The following P2RY8 variants were observed in gnomAD, a reference collection of about 807,000 sequenced individuals.
P2RY8 encodes the protein P2Y receptor family member 8.
In P2RY8, 6 loss-of-function variants were observed where a neutral mutation model predicts 10.0. The observed-to-expected ratio is 0.60, with a 90% CI of 0.33 to 1.19. The LOEUF (loss-of-function observed/expected upper bound fraction) is 1.19, where lower values mean the gene tolerates loss of function less well. P2RY8 is among the 50% of genes most tolerant of loss of function. The pLI is 0.04. For missense variants in P2RY8, 456 were observed against 542.0 expected (o/e 0.84, Z 1.58); for synonymous variants, 276 against 252.5 (o/e 1.09, Z -0.88).
chrX:1,492,695 A>T (rs1372192069), intron 1 of P2RY8, among the ~76,000 whole-genome samples: 1 of 152,108 alleles, frequency 6.6e-6, no homozygotes, highest in African/African-American at 2.4e-5. Flanking sequence ...GCCATAGAAG[A>T]CAGTTATGCC....
At chrX:1,528,443 G>A (rs1375284928) in intron 1 of P2RY8, among the ~76,000 whole-genome samples, 2 of 152,244 alleles carry the variant, frequency 1.3e-5, no homozygotes, top group African/African-American at 2.4e-5. Context: ...AGCAGCAGGC[G>A]CTGCCAGTCA....
At chrX:1,490,193 C>G (rs867385546) in intron 1 of P2RY8, among the ~76,000 whole-genome samples, 1 of 130,756 alleles carries the variant, frequency 7.6e-6, no homozygotes, top group Non-Finnish European at 1.7e-5. Context: ...AATGATACCC[C>G]AGATTCACTT....
intron 1 of P2RY8, among the ~76,000 whole-genome samples, chrX:1,520,664 C>T (rs1265519717): frequency 6.6e-6 from 1 of 151,472 alleles, no homozygotes; most frequent in Non-Finnish European, 1.5e-5. Flanking sequence ...TCTCTCTGAT[C>T]CTCAGTCATC....
chrX:1,516,145 G>A lies in P2RY8; in HGVS notation c.-25+20776C>T, dbSNP rs187000363. On this transcript the variant is annotated intron_variant, in intron 1 of 1. Coordinates refer to ENST00000381297, the MANE Select transcript of P2RY8 (RefSeq NM_178129.5). Reference sequence around the variant, plus strand: ...CTGGGAGGCGGAGGTTGCAGTGAGCGGAGGTTGCACCACTGCACTCCAGCC... The same window carrying A: ...CTGGGAGGCGGAGGTTGCAGTGAGCAGAGGTTGCACCACTGCACTCCAGCC... Among the ~76,000 whole-genome samples, 1,406 of 151,400 alleles carry A rather than the reference G, an allele frequency of 9.3e-3. 20 individuals are homozygous for A. The highest frequency in any genetic ancestry group is 0.032 in the African/African-American group (1,325 of 41,296).
chrX:1,490,747 G>T (rs1431528835), intron 1 of P2RY8, among the ~76,000 whole-genome samples: 7 of 149,166 alleles, frequency 4.7e-5, no homozygotes, highest in Non-Finnish European at 1.0e-4. Flanking sequence ...TGGGGGGAAT[G>T]AATGAATGAT....
intron 1 of P2RY8, among the ~76,000 whole-genome samples, chrX:1,472,917 T>C (rs1405997794): frequency 9.5e-6 from 1 of 105,768 alleles, no homozygotes; most frequent in African/African-American, 3.7e-5. Flanking sequence ...TGGATGTGGA[T>C]GGGTAGATGG....
intron 1 of P2RY8, among the ~76,000 whole-genome samples, chrX:1,503,063 C>G (rs1327006968): frequency 6.6e-6 from 1 of 151,350 alleles, no homozygotes; most frequent in African/African-American, 2.4e-5. Context: ...TAGGCTGGGC[C>G]CTAAATCCAA....
rs1220430321 is a variant in P2RY8, at chrX:1,533,895, A to G, written c.-25+3026T>C. ...TTTATTATTTATATATTATATACTT[A>G]TATATGTATTATTTAAATATATTAT... On this transcript the variant is annotated intron_variant, in intron 1 of 1. Transcript: ENST00000381297. 6.6e-3 allele frequency among the ~76,000 whole-genome samples: 805 copies of G among 122,508 alleles called. 1 individual carries two copies. Among genetic ancestry groups the G allele is most frequent in the Non-Finnish European group, 9.3e-3 (596 of 64,308 alleles). 80.4% of individuals were successfully genotyped at this position (122,508 alleles called of 152,430 possible).
At chrX:1,480,900 C>G (rs1289626564) in intron 1 of P2RY8, among the ~76,000 whole-genome samples, 1 of 149,746 alleles carries the variant, frequency 6.7e-6, no homozygotes, top group African/African-American at 2.5e-5. Context: ...AAGATTCAAC[C>G]ACTGGAAAAA....
intron 1 of P2RY8, among the ~76,000 whole-genome samples, chrX:1,498,373 T>C (rs2092139470): frequency 8.3e-6 from 1 of 120,956 alleles, no homozygotes; most frequent in Non-Finnish European, 1.6e-5. Flanking sequence ...GCCACTGCAC[T>C]CCAGCCTGGG....
rs1470269632 is a variant in P2RY8 at position 1,465,425 on chromosome X, C to A, written c.*54G>T. ...CCTCTGGCACCGTGGCCTCTCCATG[C>A]GCCCCTGGATCTCCAAGCTGCGCCC... On this transcript the variant is annotated 3_prime_UTR_variant, in exon 2 of 2. Transcript: ENST00000381297. 7 of 1,541,768 alleles carry A rather than the reference C, an allele frequency of 4.5e-6. No homozygotes were observed. Among genetic ancestry groups the A allele is most frequent in the East Asian group, 2.3e-5 (1 of 44,418 alleles).
At chrX:1,508,032 G>A (rs574077037) in intron 1 of P2RY8, among the ~76,000 whole-genome samples, 5 of 152,082 alleles carry the variant, frequency 3.3e-5, no homozygotes, top group Non-Finnish European at 7.4e-5. Context: ...GCGTGTGCCT[G>A]ATGACCTCTC....
chrX:1,478,571 C>T (rs1386059631), intron 1 of P2RY8, among the ~76,000 whole-genome samples: 3 of 151,950 alleles, frequency 2.0e-5, no homozygotes, highest in African/African-American at 4.8e-5. Flanking sequence ...CTCCGCCTCC[C>T]GGGTTCAAGC....
chrX:1,530,277 CTATCTAT>C, intron 1 of P2RY8, among the ~76,000 whole-genome samples: 1 of 147,254 alleles, frequency 6.8e-6, no homozygotes, highest in Non-Finnish European at 1.5e-5. Flanking sequence ...CATTATCTAT[CTATCTAT>C]CTATCTATCT....
At position 1,464,522 on chromosome X, in the gene P2RY8, G is replaced by A. The variant is rs140638059; in HGVS notation, c.*957C>T. 4.4e-3 allele frequency: 1,027 copies of A among 233,436 alleles called. 5 individuals carry two copies. The highest frequency in any genetic ancestry group is 0.023 in the South Asian group (126 of 5,528). 14.5% of individuals were successfully genotyped at this position (233,436 alleles called of 1,614,324 possible). A position where few individuals can be genotyped will look rare whatever the true frequency, so the allele number is the denominator to read the frequency against. ...GGCTCTCCATGGGGTAAAAGGACGC[G>A]GAGAATGGGCAGGAGGTGGGGAACT... On this transcript the variant is annotated 3_prime_UTR_variant, in exon 2 of 2. Coordinates refer to ENST00000381297, the MANE Select transcript of P2RY8 (RefSeq NM_178129.5).
At chrX:1,524,784 C>T (rs866030052) in intron 1 of P2RY8, among the ~76,000 whole-genome samples, 29 of 50,902 alleles carry the variant, frequency 5.7e-4, no homozygotes, top group South Asian at 6.8e-4. Context: ...CATCCATCCA[C>T]TCATCCATTC....
At chrX:1,492,052 CTG>C (rs2092057813) in intron 1 of P2RY8, among the ~76,000 whole-genome samples, 1 of 152,198 alleles carries the variant, frequency 6.6e-6, no homozygotes, top group Non-Finnish European at 1.5e-5. Context: ...TCCATGGAAA[CTG>C]TGCACCCAGC....
intron 1 of P2RY8, among the ~76,000 whole-genome samples, chrX:1,475,762 T>C (rs1217325194): frequency 6.6e-6 from 1 of 152,178 alleles, no homozygotes; most frequent in Non-Finnish European, 1.5e-5. Context: ...CTTGAAGATA[T>C]AAAGACGGCA....
chrX:1,481,703 C>G (rs1446241494), intron 1 of P2RY8, among the ~76,000 whole-genome samples: 54 of 152,034 alleles, frequency 3.6e-4, no homozygotes, highest in Non-Finnish European at 6.2e-4. Flanking sequence ...CTTTGTAGAC[C>G]CAGTGACCCC....
Sources: allele counts gnomAD v4.1 joint callset (sites outside exome capture counted in the v4.1 genomes callset), GRCh38; gene constraint gnomAD v4.1.1; transcripts MANE v1.5; gene names NCBI Gene and HGNC (gene_info 2026-07-23, HGNC 2026-07-21).